The following HACD2 variants were observed in gnomAD, a reference collection of about 807,000 sequenced individuals.
HACD2 encodes 3-hydroxyacyl-CoA dehydratase 2, also known as very-long-chain (3R)-3-hydroxyacyl-CoA dehydratase 2.
A neutral mutation model predicts 31.0 loss-of-function variants in HACD2; 15 were observed. That is an observed-to-expected ratio of 0.48 (90% CI 0.32 to 0.75). The LOEUF is 0.75. Ranked by LOEUF, HACD2 falls within the 30% of genes least tolerant of loss-of-function variation. The probability of loss-of-function intolerance (pLI) is 0.03; values close to 1 mark genes in which losing one functional copy is unlikely to be tolerated. For synonymous variants in HACD2, 115 were observed against 122.2 expected, an observed-to-expected ratio of 0.94 and a Z score of 0.39; for missense variants, 283 against 313.0, an observed-to-expected ratio of 0.90 and a Z score of 0.72.
At chr3:123,551,700 T>C (rs2056622600) in intron 3 of HACD2, among the ~76,000 whole-genome samples, 1 of 152,076 alleles carries the variant, frequency 6.6e-6, no homozygotes, top group African/African-American at 2.4e-5. Context: ...TCTATATTAG[T>C]AAAAGCCTTG....
chr3:123,572,160 C>T (rs183904645), intron 2 of HACD2, among the ~76,000 whole-genome samples: 83 of 152,270 alleles, frequency 5.5e-4, no homozygotes, highest in African/African-American at 1.8e-3. Context: ...AGAATAAGCA[C>T]ACCTCATCAA....
chr3:123,559,619 T>C (rs1260742042), intron 3 of HACD2, among the ~76,000 whole-genome samples: 1 of 152,182 alleles, frequency 6.6e-6, no homozygotes, highest in Admixed American at 6.5e-5. Flanking sequence ...AAACGACTAG[T>C]AATGTTTCCA....
chr3:123,545,526 TAG>T (rs1553760520), intron 3 of HACD2, among the ~76,000 whole-genome samples: 2 of 80,598 alleles, frequency 2.5e-5, no homozygotes, highest in South Asian at 4.0e-4. Context: ...AATAAATAAA[TAG>T]AAATAAAGTC....
intron 3 of HACD2, among the ~76,000 whole-genome samples, chr3:123,541,887 G>C (rs1292826861): frequency 2.0e-5 from 3 of 152,060 alleles, no homozygotes; most frequent in Non-Finnish European, 4.4e-5. Flanking sequence ...AGTATATAAA[G>C]AATACATCCC....
intron 3 of HACD2, among the ~76,000 whole-genome samples, chr3:123,548,741 C>G (rs1257610786): frequency 6.6e-6 from 1 of 151,872 alleles, no homozygotes; most frequent in African/African-American, 2.4e-5. Flanking sequence ...CCTGACTCAG[C>G]CTCTCTGAGT....
At chr3:123,529,356 C>A (rs539601138) in intron 3 of HACD2, among the ~76,000 whole-genome samples, 1 of 152,310 alleles carries the variant, frequency 6.6e-6, no homozygotes, top group East Asian at 1.9e-4. Flanking sequence ...CCTGCCTCGG[C>A]TTCCCAAAGT....
chr3:123,558,839 C>T (rs1044736733), intron 3 of HACD2, among the ~76,000 whole-genome samples: 4 of 152,152 alleles, frequency 2.6e-5, no homozygotes, highest in Non-Finnish European at 5.9e-5. Context: ...ACTTGGTGTT[C>T]CCAACTTTGC....
At chr3:123,521,352 T>C (rs2056212062) in intron 4 of HACD2, among the ~76,000 whole-genome samples, 1 of 152,102 alleles carries the variant, frequency 6.6e-6, no homozygotes, top group South Asian at 2.1e-4. Flanking sequence ...AAGGGACTGG[T>C]GTCTGCCAGG....
chr3:123,567,677 A>T, intron 3 of HACD2, 85 bp downstream of exon 3: 1 of 867,450 alleles, frequency 1.2e-6, no homozygotes, highest in Non-Finnish European at 1.7e-6. Context: ...TCAATATTTA[A>T]CAGAAATCAA....
intron 3 of HACD2, among the ~76,000 whole-genome samples, chr3:123,561,828 T>C (rs930664150): frequency 6.6e-6 from 1 of 152,208 alleles, no homozygotes; most frequent in African/African-American, 2.4e-5. Flanking sequence ...TGTTTATTTT[T>C]TGAGACGGGG....
At chr3:123,530,179 C>CCTTTGATTT (rs1346432814) in intron 3 of HACD2, among the ~76,000 whole-genome samples, 5 of 151,970 alleles carry the variant, frequency 3.3e-5, no homozygotes, top group Admixed American at 3.3e-4. Flanking sequence ...ATAGAGGAAG[C>CCTTTGATTT]CTTTGATTTC....
At chr3:123,564,690 C>G (rs982865885) in intron 3 of HACD2, among the ~76,000 whole-genome samples, 1 of 152,016 alleles carries the variant, frequency 6.6e-6, no homozygotes, top group African/African-American at 2.4e-5. Context: ...GGAAAAGGGA[C>G]GGAGAACAGT....
At chr3:123,553,595 T>G (rs1348254183) in intron 3 of HACD2, among the ~76,000 whole-genome samples, 1 of 152,216 alleles carries the variant, frequency 6.6e-6, no homozygotes, top group African/African-American at 2.4e-5. Context: ...AGGAGCAACC[T>G]GGAAGGATAA....
chr3:123,552,946 A>G (rs1419283573), intron 3 of HACD2, among the ~76,000 whole-genome samples: 1 of 152,224 alleles, frequency 6.6e-6, no homozygotes, highest in Non-Finnish European at 1.5e-5. Context: ...GGATCAGAGT[A>G]AAGCAGTTGA....
intron 3 of HACD2, among the ~76,000 whole-genome samples, chr3:123,554,513 C>T (rs935095267): frequency 3.3e-5 from 5 of 150,758 alleles, no homozygotes; most frequent in South Asian, 2.1e-4. Context: ...CCCCATCTCT[C>T]GAAAAAAAAT....
intron 4 of HACD2, among the ~76,000 whole-genome samples, chr3:123,520,206 TTAATC>T (rs1328725932): frequency 6.6e-6 from 1 of 152,146 alleles, no homozygotes; most frequent in African/African-American, 2.4e-5. Context: ...TTATGACAAT[TTAATC>T]TAGAGTACTA....
rs186193405 is a variant in HACD2, at chr3:123,520,460, A to G, written c.381+7926T>C. On this transcript the variant is annotated intron_variant, in intron 4 of 6. Coordinates refer to ENST00000383657, the MANE Select transcript of HACD2 (RefSeq NM_198402.5). ...CTATTTAAAATACAATTACACTGAA[A>G]TTCAATTCCTCAGTCACATTAACCA... Among the ~76,000 whole-genome samples the G allele has an allele frequency of 7.2e-5, 11 of 152,328 alleles. No homozygotes were observed. The East Asian group carries it at 2.1e-3, about 29-fold the overall frequency.
In HACD2 at chr3:123,542,959, T is replaced by C. The variant is rs534208448; in HGVS notation, c.293-14485A>G. Reference sequence around the variant, plus strand: ...GCTATGAGATTATGACAAAATAAAATGAAAACCTTCACTGTCCCTTTGACA... The same window carrying C: ...GCTATGAGATTATGACAAAATAAAACGAAAACCTTCACTGTCCCTTTGACA... On this transcript the variant is annotated intron_variant, in intron 3 of 6. Transcript: ENST00000383657. Among the ~76,000 whole-genome samples, 215 of 152,314 alleles carry C rather than the reference T, an allele frequency of 1.4e-3. 1 individual carries two copies. The highest frequency in any genetic ancestry group is 5.0e-3 in the African/African-American group (209 of 41,574).
At chr3:123,545,621 G>A (rs2056551407) in intron 3 of HACD2, among the ~76,000 whole-genome samples, 1 of 146,168 alleles carries the variant, frequency 6.8e-6, no homozygotes, top group Admixed American at 6.8e-5. Flanking sequence ...AAATAAAAAT[G>A]GGTACAATTT....
Sources: allele counts gnomAD v4.1 joint callset (sites outside exome capture counted in the v4.1 genomes callset), GRCh38; gene constraint gnomAD v4.1.1; transcripts MANE v1.5; gene names NCBI Gene and HGNC (gene_info 2026-07-23, HGNC 2026-07-21).